ADAMTS6: variants seen among roughly 807,000 people sequenced by gnomAD.
The protein encoded by ADAMTS6 is ADAM metallopeptidase with thrombospondin type 1 motif 6.
Under a neutral mutation model 144.3 loss-of-function variants are expected in ADAMTS6, and 23 were observed. That is an observed-to-expected ratio of 0.16 (90% CI 0.11 to 0.23). The LOEUF (loss-of-function observed/expected upper bound fraction) is 0.23. Ranked by LOEUF, ADAMTS6 falls within the 10% of genes least tolerant of loss-of-function variation. The pLI is 1.00. For missense variants in ADAMTS6, 999 were observed against 1,379.6 expected (o/e 0.72, Z 4.37); for synonymous variants, 444 against 457.5 (o/e 0.97, Z 0.38).
In ADAMTS6 at chr5:65,224,910, C is replaced by G. The variant is rs1757612245; in HGVS notation, c.2191+14G>C. On this transcript the variant is annotated intron_variant, in intron 17 of 24. Transcript: ENST00000381055. ...CACCAGAGGTGTGAGGAAGAGTTCTCTCTACATACTCACCTCCCCTGGGCA... is the reference window on the plus strand; with the variant it reads ...CACCAGAGGTGTGAGGAAGAGTTCTGTCTACATACTCACCTCCCCTGGGCA... 6.2e-7 allele frequency: 1 copy of G among 1,609,732 alleles called. No homozygotes were observed. The highest frequency in any genetic ancestry group is 8.5e-7 in the Non-Finnish European group (1 of 1,178,512).
At chr5:65,318,809 T>A (rs1054943428) in intron 9 of ADAMTS6, among the ~76,000 whole-genome samples, 1 of 152,102 alleles carries the variant, frequency 6.6e-6, no homozygotes, top group African/African-American at 2.4e-5. Flanking sequence ...CAAAACCTAC[T>A]ACCTGATACC....
chr5:65,451,865 A>G lies in ADAMTS6; in HGVS notation c.928-245T>C, dbSNP rs1293817264. Reference sequence around the variant, plus strand: ...TGTGAGATTATCAACACAAAAACTAATGAAAATCATTATTATAAGATATGC... The same window carrying G: ...TGTGAGATTATCAACACAAAAACTAGTGAAAATCATTATTATAAGATATGC... On this transcript the variant is annotated intron_variant, in intron 6 of 24. Coordinates refer to ENST00000381055, the MANE Select transcript of ADAMTS6 (RefSeq NM_197941.4). Among the ~76,000 whole-genome samples the G allele has an allele frequency of 2.0e-5, 3 of 152,190 alleles. No individual in the cohort carries two copies. The East Asian group carries it at 5.8e-4, about 29-fold the overall frequency.
chr5:65,259,923 G>A lies in ADAMTS6; in HGVS notation c.1830+677C>T, dbSNP rs151243635. 7.2e-4 allele frequency among the ~76,000 whole-genome samples: 109 copies of A among 152,302 alleles called. 1 individual carries two copies. Among genetic ancestry groups the A allele is most frequent in the African/African-American group, 2.4e-3 (100 of 41,574 alleles). The stretch of plus-strand genomic sequence containing the variant: ...TGGTTTTTAGATAGGGGGAGGAAGA[G>A]TGATCTGGAGGAGTAATGAGATATA... On this transcript the variant is annotated intron_variant, in intron 14 of 24. Coordinates refer to ENST00000381055, the MANE Select transcript of ADAMTS6 (RefSeq NM_197941.4).
intron 7 of ADAMTS6, among the ~76,000 whole-genome samples, chr5:65,334,760 C>A (rs544955535): frequency 1.1e-4 from 16 of 152,178 alleles, no homozygotes; most frequent in Admixed American, 6.6e-4. Context: ...TAACTCAATA[C>A]AAAATATTGA....
intron 7 of ADAMTS6, among the ~76,000 whole-genome samples, chr5:65,366,973 AAG>A (rs889749721): frequency 6.6e-6 from 1 of 152,220 alleles, no homozygotes; most frequent in African/African-American, 2.4e-5. Flanking sequence ...TTCCAAGAAA[AAG>A]AATGATGCGG....
chr5:65,461,943 T>C (rs759469115), intron 3 of ADAMTS6, among the ~76,000 whole-genome samples: 50 of 152,184 alleles, frequency 3.3e-4, no homozygotes, highest in Non-Finnish European at 7.1e-4. Flanking sequence ...TTGGAAGGAA[T>C]GATAAGACAT....
intron 7 of ADAMTS6, among the ~76,000 whole-genome samples, chr5:65,417,964 G>T (rs1016984697): frequency 1.3e-5 from 2 of 151,998 alleles, no homozygotes; most frequent in African/African-American, 4.8e-5. Flanking sequence ...ACATTACCTG[G>T]CTTCAAACTA....
intron 7 of ADAMTS6, among the ~76,000 whole-genome samples, chr5:65,373,845 T>A (rs2150124561): frequency 6.6e-6 from 1 of 152,176 alleles, no homozygotes; most frequent in South Asian, 2.1e-4. Context: ...TGAACATTGA[T>A]GCAAAAATCC....
intron 11 of ADAMTS6, among the ~76,000 whole-genome samples, chr5:65,283,660 C>A (rs1763155567): frequency 6.6e-6 from 1 of 151,998 alleles, no homozygotes; most frequent in Non-Finnish European, 1.5e-5. Flanking sequence ...AATTACACAC[C>A]TTTTATTCCC....
At chr5:65,403,390 T>C (rs1440491790) in intron 7 of ADAMTS6, among the ~76,000 whole-genome samples, 1 of 152,092 alleles carries the variant, frequency 6.6e-6, no homozygotes, top group Non-Finnish European at 1.5e-5. Context: ...TTTAACTCCG[T>C]TTCTATCTTC....
At chr5:65,164,714 T>C (rs1753041896) in intron 24 of ADAMTS6, among the ~76,000 whole-genome samples, 1 of 144,604 alleles carries the variant, frequency 6.9e-6, no homozygotes, top group Admixed American at 6.9e-5. Flanking sequence ...CTCAAGTGGG[T>C]CCCTGACCCC....
In ADAMTS6 at chr5:65,284,923, T is replaced by A. The variant is rs372925703; in HGVS notation, c.1512+6406A>T. Among the ~76,000 whole-genome samples, 262 of 152,248 alleles carry A rather than the reference T, an allele frequency of 1.7e-3. 2 individuals carry two copies. Among genetic ancestry groups the A allele is most frequent in the African/African-American group, 6.0e-3 (250 of 41,564 alleles). On this transcript the variant is annotated intron_variant, in intron 11 of 24. Coordinates refer to ENST00000381055, the MANE Select transcript of ADAMTS6 (RefSeq NM_197941.4). ...CTCCATTCATCTCATTTCAGAGTTA[T>A]AAGCACCCTCTAGTATAAAAAGAAT...
chr5:65,253,115 C>T (rs551365255), intron 14 of ADAMTS6, among the ~76,000 whole-genome samples: 42 of 152,130 alleles, frequency 2.8e-4, no homozygotes, highest in African/African-American at 9.2e-4. Flanking sequence ...CTCAAACTCC[C>T]GGGCTCAAGC....
intron 22 of ADAMTS6, among the ~76,000 whole-genome samples, chr5:65,173,397 A>G (rs899100660): frequency 6.6e-6 from 1 of 152,204 alleles, no homozygotes; most frequent in African/African-American, 2.4e-5. Context: ...GTATGTTATT[A>G]GTAGACCAAA....
chr5:65,312,386 T>C (rs563436756), intron 9 of ADAMTS6, among the ~76,000 whole-genome samples: 2 of 152,160 alleles, frequency 1.3e-5, no homozygotes, highest in East Asian at 1.9e-4. Context: ...CTTGTTATAG[T>C]AAAGAAAAGA....
chr5:65,267,789 C>A (rs1194228273), intron 12 of ADAMTS6, among the ~76,000 whole-genome samples: 1 of 152,026 alleles, frequency 6.6e-6, no homozygotes, highest in African/African-American at 2.4e-5. Context: ...GAATAAGAGA[C>A]CTCTAAGGAA....
At chr5:65,303,821 A>G (rs1465591629) in intron 9 of ADAMTS6, among the ~76,000 whole-genome samples, 1 of 152,126 alleles carries the variant, frequency 6.6e-6, no homozygotes, top group Non-Finnish European at 1.5e-5. Flanking sequence ...TTGCTATGGC[A>G]TTTAGATTAA....
intron 11 of ADAMTS6, among the ~76,000 whole-genome samples, chr5:65,287,223 C>T (rs985755911): frequency 6.6e-6 from 1 of 152,100 alleles, no homozygotes; most frequent in Non-Finnish European, 1.5e-5. Context: ...CATCTGATAA[C>T]TTATGACCCT....
intron 7 of ADAMTS6, among the ~76,000 whole-genome samples, chr5:65,373,240 C>G (rs1751155729): frequency 6.7e-6 from 1 of 150,262 alleles, no homozygotes. Context: ...TAGCAGAAGG[C>G]AAGAAATAAC....
Sources: gnomAD v4.1 joint callset for allele counts (sites outside exome capture counted in the v4.1 genomes callset) on GRCh38, gnomAD v4.1.1 for gene constraint, MANE v1.5 for transcripts, NCBI Gene and HGNC (gene_info 2026-07-23, HGNC 2026-07-21) for gene names.